TVP23A: variants seen among roughly 807,000 people sequenced by gnomAD.
TVP23A encodes trans-golgi network vesicle protein 23 homolog A.
In TVP23A, 21 loss-of-function variants were observed where a neutral mutation model predicts 31.7. That is an observed-to-expected ratio of 0.66 (90% CI 0.47 to 0.95). TVP23A has a LOEUF of 0.95. Ranked by LOEUF, TVP23A falls within the 40% of genes least tolerant of loss-of-function variation. The pLI, the probability that TVP23A is intolerant of heterozygous loss-of-function variation, is 0.00. For synonymous variants in TVP23A, 104 were observed against 96.0 expected (o/e 1.08, Z -0.49); for missense variants, 279 against 255.6 (o/e 1.09, Z -0.62).
chr16:10,809,305 G>C (rs1339826297), intron 2 of TVP23A, among the ~76,000 whole-genome samples: 1 of 152,082 alleles, frequency 6.6e-6, no homozygotes, highest in African/African-American at 2.4e-5. Flanking sequence ...CATCGGGCCT[G>C]GGCTGATGGG....
chr16:10,760,232 C>T (rs970622549), downstream of TVP23A, among the ~76,000 whole-genome samples: 6 of 152,270 alleles, frequency 3.9e-5, no homozygotes, highest in Admixed American at 6.5e-5. Context: ...GCGGACCCCA[C>T]GGTCCCTGTC....
chr16:10,759,379 C>T (rs1900788244), downstream of TVP23A, among the ~76,000 whole-genome samples: 1 of 152,204 alleles, frequency 6.6e-6, no homozygotes, highest in African/African-American at 2.4e-5. This position sits in a 1 kb window ranked among gnomAD's most constrained non-coding sequence, Gnocchi z 4.7. Flanking sequence ...GAGCAGGACA[C>T]CAGCTGGGAC....
chr16:10,763,436 C>T (rs1376563616), downstream of TVP23A: 1 of 152,270 alleles, frequency 6.6e-6, no homozygotes, highest in Non-Finnish European at 1.5e-5. Flanking sequence ...AGGCTGTGTC[C>T]CCAAATCCTT....
chr16:10,817,685 C>A (rs1002241240), intron 2 of TVP23A, among the ~76,000 whole-genome samples: 1 of 152,176 alleles, frequency 6.6e-6, no homozygotes, highest in Non-Finnish European at 1.5e-5. Context: ...AGGGCCTTTG[C>A]GCTTGCTGTT....
In TVP23A at chr16:10,769,081, A is replaced by G. The variant is rs776450811; in HGVS notation, c.*21T>C. On this transcript the variant is annotated 3_prime_UTR_variant, in exon 8 of 8. Coordinates refer to ENST00000299866, the MANE Select transcript of TVP23A (RefSeq NM_001079512.4). ...AGTTTTGTAATCTCCATCAGTCAAAAGAAGAGAACCTCATCAGTTCCTGAA... is the reference window on the plus strand; with the variant it reads ...AGTTTTGTAATCTCCATCAGTCAAAGGAAGAGAACCTCATCAGTTCCTGAA... 22 of 1,614,014 alleles carry G rather than the reference A, an allele frequency of 1.4e-5. No homozygotes were observed. Among genetic ancestry groups the G allele is most frequent in the African/African-American group, 4.0e-5 (3 of 74,892 alleles).
intron 3 of TVP23A, 127 bp downstream of exon 3, chr16:10,774,825 T>C (rs1377150059): frequency 1.0e-5 from 8 of 789,042 alleles, no homozygotes; most frequent in Non-Finnish European, 6.0e-6. Context: ...CCCTTACTTT[T>C]AAGTGACACT....
chr16:10,780,622 C>G (rs1016367782), intron 2 of TVP23A, among the ~76,000 whole-genome samples: 1 of 152,178 alleles, frequency 6.6e-6, no homozygotes, highest in Non-Finnish European at 1.5e-5. Flanking sequence ...CTCTGAGTAG[C>G]TCTGTGGTCT....
At chr16:10,804,688 G>A (rs917363496) in intron 2 of TVP23A, among the ~76,000 whole-genome samples, 2 of 152,218 alleles carry the variant, frequency 1.3e-5, no homozygotes, top group Non-Finnish European at 2.9e-5. Context: ...CGAGGCTGCT[G>A]AGGGCTGTGA....
intron 2 of TVP23A, among the ~76,000 whole-genome samples, chr16:10,799,394 T>C (rs922066957): frequency 6.6e-6 from 1 of 152,182 alleles, no homozygotes; most frequent in African/African-American, 2.4e-5. Context: ...AGTATAGTGG[T>C]GGGATCTTGG....
Position 10,779,568 on chromosome 16 carries a change from C to T in TVP23A, c.90-4472G>A, listed in dbSNP as rs1005412572. Among the ~76,000 whole-genome samples, 1 of 152,208 alleles carries T rather than the reference C, an allele frequency of 6.6e-6. No homozygotes were observed. Among genetic ancestry groups the T allele is most frequent in the African/African-American group, 2.4e-5 (1 of 41,450 alleles). On this transcript the variant is annotated intron_variant, in intron 2 of 7. Coordinates refer to ENST00000299866, the MANE Select transcript of TVP23A (RefSeq NM_001079512.4). This position sits in a 1 kb window ranked among gnomAD's most constrained non-coding sequence, Gnocchi z 4.9. ...CCTTGAGAGGCAAACAGCACAGGGGCATGGCACCAGCTGCGTGTGTTCCCG... is the reference window on the plus strand; with the variant it reads ...CCTTGAGAGGCAAACAGCACAGGGGTATGGCACCAGCTGCGTGTGTTCCCG...
chr16:10,761,251 C>A, exon 9 of TVP23A: 1 of 957,564 alleles, frequency 1.0e-6, no homozygotes, highest in Non-Finnish European at 1.6e-6. Context: ...GGGCAGAAAC[C>A]TCTAAGGCTT....
Position 10,773,382 on chromosome 16 carries a change from G to A in TVP23A, c.384C>T (p.Leu128=). 1.2e-6 allele frequency: 2 copies of A among 1,612,310 alleles called. No homozygotes were observed. The highest frequency in any genetic ancestry group is 1.7e-6 in the Non-Finnish European group (2 of 1,179,576). ...CAATCCATATCATGGGGCAGATTATGAGGCCCAGCCAGAAGATTCGTGCTT... is the reference window on the plus strand; with the variant it reads ...CAATCCATATCATGGGGCAGATTATAAGGCCCAGCCAGAAGATTCGTGCTT... ...EAEARIFWLG[L]IICPMIWIVF... Residue 128 remains leucine (L), a synonymous_variant, in exon 5 of 8, where the codon CTC becomes CTT. Transcript: ENST00000299866.
chr16:10,757,699 G>A (rs924474183), downstream of TVP23A, among the ~76,000 whole-genome samples: 3 of 152,072 alleles, frequency 2.0e-5, no homozygotes, highest in African/African-American at 4.8e-5. This position sits in a 1 kb window ranked among gnomAD's most constrained non-coding sequence, Gnocchi z 4.1. Context: ...ACAGTGGCAC[G>A]CACTTATAGT....
chr16:10,811,593 A>AACACACAC (rs372503368), intron 2 of TVP23A, among the ~76,000 whole-genome samples: 144 of 150,950 alleles, frequency 9.5e-4, no homozygotes, highest in African/African-American at 3.3e-3. Flanking sequence ...TATTAAATTA[A>AACACACAC]ACACACACAC....
At chr16:10,758,025 C>CA, downstream of TVP23A, 2 of 1,612,342 alleles carry the variant, frequency 1.2e-6, no homozygotes, top group Non-Finnish European at 1.7e-6. Context: ...CACCACTCCC[C>CA]AGGTGAGCGA....
At chr16:10,814,358 A>G (rs1596587416) in intron 2 of TVP23A, among the ~76,000 whole-genome samples, 1 of 152,144 alleles carries the variant, frequency 6.6e-6, no homozygotes, top group East Asian at 1.9e-4. Flanking sequence ...ATGTTCCAAC[A>G]CAGACTAACA....
intron 2 of TVP23A, among the ~76,000 whole-genome samples, chr16:10,787,393 T>C (rs1255739590): frequency 6.6e-6 from 1 of 152,064 alleles, no homozygotes; most frequent in East Asian, 1.9e-4. Flanking sequence ...GCTGTGCCAA[T>C]AGGAAAAGGC....
chr16:10,814,729 G>A (rs557441803), intron 2 of TVP23A, among the ~76,000 whole-genome samples: 30 of 152,232 alleles, frequency 2.0e-4, no homozygotes, highest in East Asian at 1.9e-4. Context: ...TCCCTCAGGC[G>A]CCCTGGCCAC....
At chr16:10,759,248 G>A (rs994038812), downstream of TVP23A, among the ~76,000 whole-genome samples, 1 of 152,190 alleles carries the variant, frequency 6.6e-6, no homozygotes, top group African/African-American at 2.4e-5. This position sits in a 1 kb window ranked among gnomAD's most constrained non-coding sequence, Gnocchi z 4.7. Context: ...ACAGGGATGA[G>A]GGTACAGCCA....
Sources: allele counts gnomAD v4.1 joint callset (sites outside exome capture counted in the v4.1 genomes callset), GRCh38; gene constraint gnomAD v4.1.1; non-coding constraint Gnocchi (gnomAD v3.1); transcripts MANE v1.5; gene names NCBI Gene and HGNC (gene_info 2026-07-23, HGNC 2026-07-21).